Variants in KIAA0513 observed in about 807,000 individuals in gnomAD.
KIAA0513 encodes KIAA0513.
KIAA0513 carries 39 observed loss-of-function variants against 56.5 expected under a neutral mutation model. The observed-to-expected ratio is 0.69, with a 90% CI of 0.53 to 0.90. The LOEUF is 0.90. Among genes scored for constraint, KIAA0513 ranks in the 40% least tolerant of loss-of-function variants. KIAA0513 has a pLI of 0.00. For synonymous variants in KIAA0513, 268 were observed against 215.6 expected, an observed-to-expected ratio of 1.24 and a Z score of -2.13; for missense variants, 591 against 535.2, an observed-to-expected ratio of 1.10 and a Z score of -1.03.
chr16:85,083,160 C>T (rs1052626792), intron 10 of KIAA0513, among the ~76,000 whole-genome samples: 4 of 152,202 alleles, frequency 2.6e-5, no homozygotes, highest in Admixed American at 1.3e-4. Flanking sequence ...CCCAGCCACT[C>T]GGATGGGGGT....
chr16:85,057,083 G>A (rs1204176905), intron 1 of KIAA0513, among the ~76,000 whole-genome samples: 5 of 152,146 alleles, frequency 3.3e-5, no homozygotes, highest in African/African-American at 1.2e-4. Context: ...TTTGCGCAGT[G>A]CCCTGTACAT....
chr16:85,079,344 A>C, intron 8 of KIAA0513: 1 of 277,962 alleles, frequency 3.6e-6, no homozygotes, highest in South Asian at 8.2e-5. Flanking sequence ...TTGTACACAA[A>C]TGTCTGTAGC....
chr16:85,038,707 C>CA (rs769470751), intron 1 of KIAA0513, among the ~76,000 whole-genome samples: 4,195 of 70,444 alleles, frequency 0.06, 390 homozygotes, highest in African/African-American at 0.19. Context: ...GACTCAGCCT[C>CA]AAAAAAAAAA....
chr16:85,061,463 T>A (rs1369275115), intron 1 of KIAA0513, among the ~76,000 whole-genome samples: 1 of 152,166 alleles, frequency 6.6e-6, no homozygotes, highest in Non-Finnish European at 1.5e-5. Context: ...GGGGAGACAA[T>A]CCAGGTGCAC....
chr16:85,078,607 G>A (rs2073694870), intron 7 of KIAA0513, 152 bp downstream of exon 7: 1 of 743,062 alleles, frequency 1.3e-6, no homozygotes, highest in Admixed American at 2.7e-5. Flanking sequence ...AGCTCCCGTG[G>A]TTGTATTTTC....
Position 85,082,490 on chromosome 16 carries a change from C to G in KIAA0513, c.981-74C>G, listed in dbSNP as rs540723204. 22 of 1,467,666 alleles carry G rather than the reference C, an allele frequency of 1.5e-5. No homozygotes were observed. In the African/African-American group the frequency reaches 2.6e-4, roughly 18 times the overall value. The allele number at this position is 1,467,666 out of a possible 1,614,324, so 90.9% of individuals were successfully genotyped here. On this transcript the variant is annotated intron_variant, in intron 9 of 12. Transcript: ENST00000683363. ...CTGTAATAACCCTCCTCTGCTTGTTCTCTTTTTACCATCCACATATCTTGC... is the reference window on the plus strand; with the variant it reads ...CTGTAATAACCCTCCTCTGCTTGTTGTCTTTTTACCATCCACATATCTTGC...
chr16:85,033,717 C>G (rs966538491), intron 1 of KIAA0513, among the ~76,000 whole-genome samples: 1 of 152,186 alleles, frequency 6.6e-6, no homozygotes, highest in African/African-American at 2.4e-5. Context: ...GCTGACTTAT[C>G]TGGTGACTGG....
intron 2 of KIAA0513, among the ~76,000 whole-genome samples, chr16:85,067,653 G>C (rs2073507686): frequency 6.6e-6 from 1 of 152,146 alleles, no homozygotes; most frequent in Admixed American, 6.5e-5. Flanking sequence ...TCTAGGGTGA[G>C]GCCCAGCATC....
chr16:85,087,711 C>G (rs1194007652), intron 12 of KIAA0513, among the ~76,000 whole-genome samples: 1 of 152,198 alleles, frequency 6.6e-6, no homozygotes, highest in East Asian at 1.9e-4. Context: ...GGCGTTGGTT[C>G]TTCTTCATCG....
rs192486779 is a variant in KIAA0513 at position 85,077,763 on chromosome 16, A to G, written c.782+131A>G. ...GTCAGGAACACTGCGCTGCCCAGCC[A>G]CTTCTGCCCCCACGGCTTGCTATGG... On this transcript the variant is annotated intron_variant, in intron 6 of 12. Transcript: ENST00000683363. 1,932 of 688,002 alleles carry G rather than the reference A, an allele frequency of 2.8e-3. 26 individuals carry two copies. The African/African-American group carries it at 0.031, about 11-fold the overall frequency. The allele number at this position is 688,002 out of a possible 1,614,324, so 42.6% of individuals were successfully genotyped here. A position where few individuals can be genotyped will look rare whatever the true frequency, so the allele number is the denominator to read the frequency against.
chr16:85,037,955 C>T (rs2073056542), intron 1 of KIAA0513, among the ~76,000 whole-genome samples: 1 of 152,212 alleles, frequency 6.6e-6, no homozygotes, highest in Non-Finnish European at 1.5e-5. Context: ...TGCCAGTCCA[C>T]TCTCCACACA....
intron 2 of KIAA0513, among the ~76,000 whole-genome samples, chr16:85,071,359 C>T (rs753425434): frequency 6.6e-6 from 1 of 152,218 alleles, no homozygotes; most frequent in Non-Finnish European, 1.5e-5. Flanking sequence ...TTCAGGATGT[C>T]TTAAATTCAG....
At chr16:85,058,221 C>T (rs2073356264) in intron 1 of KIAA0513, among the ~76,000 whole-genome samples, 1 of 152,178 alleles carries the variant, frequency 6.6e-6, no homozygotes, top group African/African-American at 2.4e-5. Flanking sequence ...GGAGAGGCAC[C>T]CTCACGGGCA....
chr16:85,042,209 G>A (rs920762852), intron 1 of KIAA0513, among the ~76,000 whole-genome samples: 4 of 152,330 alleles, frequency 2.6e-5, no homozygotes, highest in East Asian at 3.9e-4. Context: ...AAAGTGCTAA[G>A]CCCTCCTTGT....
intron 2 of KIAA0513, among the ~76,000 whole-genome samples, chr16:85,068,554 G>A (rs980859765): frequency 4.0e-5 from 6 of 151,378 alleles, no homozygotes; most frequent in East Asian, 2.0e-4. Flanking sequence ...GGATGGTCTC[G>A]ATCTCCTGAC....
At chr16:85,055,520 A>G (rs978665692) in intron 1 of KIAA0513, among the ~76,000 whole-genome samples, 1 of 152,196 alleles carries the variant, frequency 6.6e-6, no homozygotes, top group African/African-American at 2.4e-5. Flanking sequence ...GGACAGGACA[A>G]TCTCCCTGAT....
intron 1 of KIAA0513, among the ~76,000 whole-genome samples, chr16:85,049,617 A>C (rs539396049): frequency 3.9e-4 from 60 of 152,204 alleles, no homozygotes; most frequent in African/African-American, 1.4e-3. Context: ...CTCTTGCTCC[A>C]GCTCCTGCCA....
chr16:85,033,779 A>G (rs563006636), intron 1 of KIAA0513, among the ~76,000 whole-genome samples: 8 of 152,266 alleles, frequency 5.3e-5, no homozygotes, highest in African/African-American at 1.9e-4. Flanking sequence ...CAGATACTCA[A>G]TATGCCCGTC....
intron 11 of KIAA0513, 157 bp downstream of exon 11, chr16:85,086,881 C>A: frequency 1.2e-6 from 1 of 838,706 alleles, no homozygotes; most frequent in Non-Finnish European, 1.9e-6. Context: ...ATTAATCCGC[C>A]TCCTACACGA....
Sources: gnomAD v4.1 joint callset for allele counts (sites outside exome capture counted in the v4.1 genomes callset) on GRCh38, gnomAD v4.1.1 for gene constraint, MANE v1.5 for transcripts, NCBI Gene and HGNC (gene_info 2026-07-23, HGNC 2026-07-21) for gene names.